KCTD1: variants seen among roughly 807,000 people sequenced by gnomAD.
KCTD1 encodes the protein BTB/POZ domain-containing protein KCTD1.
A neutral mutation model predicts 66.0 loss-of-function variants in KCTD1; 24 were observed. That is an observed-to-expected ratio of 0.36 (90% CI 0.26 to 0.51). The LOEUF (loss-of-function observed/expected upper bound fraction) is 0.51, where lower values mean the gene tolerates loss of function less well. KCTD1 is among the 20% of genes least tolerant of loss of function. The pLI, the probability that KCTD1 is intolerant of heterozygous loss-of-function variation, is 0.95. For synonymous variants in KCTD1, 511 were observed against 517.2 expected (o/e 0.99, Z 0.16); for missense variants, 943 against 1,205.2 (o/e 0.78, Z 3.22).
At chr18:26,455,984 C>T (rs147610470) in intron 4 of KCTD1, 83 bp from the exon 5 acceptor site, 218 of 1,342,064 alleles carry the variant, frequency 1.6e-4, no homozygotes, top group Non-Finnish European at 2.0e-4. Flanking sequence ...TGAGATTATG[C>T]GCACTCTGGT....
intron 2 of KCTD1, among the ~76,000 whole-genome samples, chr18:26,486,196 C>T (rs1181291082): frequency 6.6e-6 from 1 of 152,214 alleles, no homozygotes; most frequent in Non-Finnish European, 1.5e-5. Flanking sequence ...CAGGTGTGAG[C>T]CACTGCACCC....
chr18:26,487,151 C>T (rs139548513), intron 2 of KCTD1, among the ~76,000 whole-genome samples: 1 of 152,146 alleles, frequency 6.6e-6, no homozygotes, highest in Admixed American at 6.5e-5. Flanking sequence ...CTTCAAATAT[C>T]TACAGTATTG....
chr18:26,459,847 C>T lies in KCTD1; in HGVS notation c.2212G>A (p.Asp738Asn), dbSNP rs775892525. Residue 738 changes from aspartate (D) to asparagine (N), a missense_variant, in exon 4 of 5, where the codon GAC becomes AAC. Around this residue, in one of 10 missense-constraint regions of KCTD1, gnomAD observed 162 missense variants for 232.4 expected, o/e 0.70. Transcript: ENST00000580059. ...CTTGAAAATCGACCAGTTTCTCTGT[C>T]CTGCTTCCATCTTTCCATCTCCAAC... ...MLLEMERWKQ[D>N]RETGRFSRPC... The T allele has an allele frequency of 2.5e-6, 4 of 1,614,014 alleles. No individual in the cohort carries two copies. Among genetic ancestry groups the T allele is most frequent in the African/African-American group, 1.3e-5 (1 of 75,028 alleles).
intron 2 of KCTD1, among the ~76,000 whole-genome samples, chr18:26,486,350 G>A (rs1981919331): frequency 6.6e-6 from 1 of 152,228 alleles, no homozygotes; most frequent in South Asian, 2.1e-4. Flanking sequence ...GCCAGCACAT[G>A]CTCGATGCTG....
At chr18:26,606,275 A>C (rs115542353) in intron 1 of KCTD1, among the ~76,000 whole-genome samples, 2,415 of 152,240 alleles carry the variant, frequency 0.016, 82 homozygotes, top group African/African-American at 0.055. Context: ...CCTGAATTTC[A>C]AAAGGGAGGA....
chr18:26,654,745 A>G (rs557140114), intron 1 of KCTD1, among the ~76,000 whole-genome samples: 14 of 152,288 alleles, frequency 9.2e-5, no homozygotes, highest in African/African-American at 3.1e-4. Flanking sequence ...GCCTAACCCA[A>G]TGAAGTTTTC....
intron 1 of KCTD1, among the ~76,000 whole-genome samples, chr18:26,588,824 C>T (rs1456277888): frequency 6.6e-6 from 1 of 152,202 alleles, no homozygotes; most frequent in Non-Finnish European, 1.5e-5. Flanking sequence ...GCTTTTCACA[C>T]TTTCCACAAG....
At chr18:26,641,317 G>A (rs1015868861), upstream of KCTD1, among the ~76,000 whole-genome samples, 21 of 152,244 alleles carry the variant, frequency 1.4e-4, no homozygotes, top group African/African-American at 4.6e-4. Flanking sequence ...TGATTAATTG[G>A]TTGCTTGTAA....
chr18:26,590,094 T>A (rs1986564045), intron 1 of KCTD1, among the ~76,000 whole-genome samples: 2 of 152,126 alleles, frequency 1.3e-5, no homozygotes, highest in Admixed American at 6.5e-5. Context: ...ATTTTATTTA[T>A]TTTATTTTTG....
chr18:26,637,684 G>C (rs1269330214), intron 1 of KCTD1, among the ~76,000 whole-genome samples: 1 of 152,248 alleles, frequency 6.6e-6, no homozygotes, highest in African/African-American at 2.4e-5. Flanking sequence ...GCATGTCTCT[G>C]TGAGTTGATT....
chr18:26,515,730 G>A (rs1446331787), intron 1 of KCTD1, among the ~76,000 whole-genome samples: 6 of 152,026 alleles, frequency 3.9e-5, no homozygotes, highest in South Asian at 2.1e-4. Flanking sequence ...GGCTGGTCTC[G>A]AACTCCTGGC....
chr18:26,643,573 G>C (rs1053088909), upstream of KCTD1, among the ~76,000 whole-genome samples: 5 of 152,220 alleles, frequency 3.3e-5, no homozygotes, highest in Non-Finnish European at 5.9e-5. Flanking sequence ...TCTGATAAGT[G>C]GGAATGAGTT....
intron 3 of KCTD1, among the ~76,000 whole-genome samples, chr18:26,474,556 T>C (rs1981240553): frequency 1.3e-5 from 2 of 152,202 alleles, no homozygotes; most frequent in Admixed American, 6.5e-5. Flanking sequence ...CAAAAGAAAC[T>C]GAATGTCTTT....
intron 3 of KCTD1, among the ~76,000 whole-genome samples, chr18:26,470,392 A>G (rs985135917): frequency 6.6e-6 from 1 of 152,198 alleles, no homozygotes; most frequent in African/African-American, 2.4e-5. Flanking sequence ...TTGTGAGTTG[A>G]AAAGCTGTCT....
At chr18:26,550,855 C>T (rs1985538391), upstream of KCTD1, among the ~76,000 whole-genome samples, 2 of 152,250 alleles carry the variant, frequency 1.3e-5, no homozygotes, top group Non-Finnish European at 2.9e-5. The surrounding 1 kb of genome is among the most constrained non-coding windows in gnomAD (Gnocchi z 5.4). Context: ...GCCCTTTGTC[C>T]TGGGACGCTC....
intron 1 of KCTD1, among the ~76,000 whole-genome samples, chr18:26,655,435 TACACACACACACACACAG>T (rs1988111633): frequency 6.6e-6 from 1 of 150,760 alleles, no homozygotes; most frequent in African/African-American, 2.4e-5. Context: ...CCACTCAGGA[TACACACACACACACACAG>T]ACACACACAC....
rs541758625 is a variant in KCTD1, at chr18:26,554,946, A to T, written c.-15-53696T>A. Among the ~76,000 whole-genome samples, 5 of 152,342 alleles carry T rather than the reference A, an allele frequency of 3.3e-5. No individual in the cohort carries two copies. In the South Asian group the frequency reaches 1.0e-3, roughly 32 times the overall value. ...AAGTTAAATGAAACCTAAAATTCAG[A>T]ATGATAGTCATTTCTTTCTCTATCT... is the stretch of plus-strand genomic sequence containing the variant. On this transcript the variant is annotated intron_variant, in intron 1 of 4. Coordinates refer to the KCTD1 transcript ENST00000317932.
upstream of KCTD1, chr18:26,548,557 C>T (rs1240046297): frequency 4.9e-6 from 6 of 1,221,130 alleles, no homozygotes; most frequent in Non-Finnish European, 6.1e-6. Context: ...CTCTGCCAGT[C>T]CTCGGGCAGG....
chr18:26,571,786 C>A (rs1986113165), intron 1 of KCTD1, among the ~76,000 whole-genome samples: 1 of 151,852 alleles, frequency 6.6e-6, no homozygotes, highest in African/African-American at 2.4e-5. Context: ...ATAGTGTAAC[C>A]CATTTCAAAT....
Sources: allele counts gnomAD v4.1 joint callset (sites outside exome capture counted in the v4.1 genomes callset), GRCh38; gene constraint gnomAD v4.1.1; regional missense constraint gnomAD v4.1.1; non-coding constraint Gnocchi (gnomAD v3.1); transcripts MANE v1.5; gene names NCBI Gene and HGNC (gene_info 2026-07-23, HGNC 2026-07-21).